DPYD: variants seen among roughly 807,000 people sequenced by gnomAD.
DPYD encodes the protein dihydropyrimidine dehydrogenase [NADP(+)].
In DPYD, 109 loss-of-function variants were observed where a neutral mutation model predicts 116.2. The observed-to-expected ratio is 0.94, with a 90% CI of 0.80 to 1.10. The LOEUF (loss-of-function observed/expected upper bound fraction) is 1.10, where lower values mean the gene tolerates loss of function less well. DPYD is among the 50% of genes least tolerant of loss of function. The pLI is 0.00. For synonymous variants in DPYD, 440 were observed against 432.0 expected (o/e 1.02, Z -0.23); for missense variants, 1,302 against 1,254.5 (o/e 1.04, Z -0.57).
At chr1:97,484,133 C>T (rs985532974) in intron 13 of DPYD, among the ~76,000 whole-genome samples, 3 of 152,112 alleles carry the variant, frequency 2.0e-5, no homozygotes, top group Non-Finnish European at 4.4e-5. Context: ...GGCAAAACCC[C>T]GTCTCTACTA....
intron 2 of DPYD, chr1:97,856,647 C>G (rs1235771319): frequency 6.6e-6 from 1 of 152,246 alleles, no homozygotes; most frequent in African/African-American, 2.4e-5. Context: ...AGGGCACACT[C>G]TGGCTAACCA....
intron 12 of DPYD, among the ~76,000 whole-genome samples, chr1:97,529,562 C>G (rs1361715550): frequency 6.6e-6 from 1 of 152,124 alleles, no homozygotes; most frequent in Non-Finnish European, 1.5e-5. Flanking sequence ...TATGCATACA[C>G]TCATGTTACT....
At chr1:97,323,748 T>C (rs1668555893) in intron 16 of DPYD, among the ~76,000 whole-genome samples, 1 of 148,996 alleles carries the variant, frequency 6.7e-6, no homozygotes, top group African/African-American at 2.5e-5. Context: ...ATATAATATA[T>C]TTAAAAACAA....
chr1:97,659,032 A>G (rs1396874531), intron 8 of DPYD, among the ~76,000 whole-genome samples: 2 of 152,228 alleles, frequency 1.3e-5, no homozygotes, highest in Non-Finnish European at 1.5e-5. Context: ...GAAGTTTTCT[A>G]TGGCTCCCTC....
intron 11 of DPYD, among the ~76,000 whole-genome samples, chr1:97,553,611 T>C (rs1030667205): frequency 1.3e-5 from 2 of 152,130 alleles, no homozygotes; most frequent in Non-Finnish European, 1.5e-5. Flanking sequence ...AAATAACTGC[T>C]TGCCATTTCC....
At chr1:97,233,922 A>G (rs558889443) in intron 19 of DPYD, among the ~76,000 whole-genome samples, 3 of 152,288 alleles carry the variant, frequency 2.0e-5, no homozygotes, top group African/African-American at 7.2e-5. Context: ...TTTCTAATAC[A>G]TATTATTTCC....
chr1:97,324,249 C>T (rs894591072), intron 16 of DPYD, among the ~76,000 whole-genome samples: 3 of 151,992 alleles, frequency 2.0e-5, no homozygotes, highest in African/African-American at 7.2e-5. Context: ...TTCTGACAGC[C>T]AGTCAGTTTC....
chr1:97,201,517 G>C lies in DPYD; in HGVS notation c.2443-8269C>G, dbSNP rs184165025. On this transcript the variant is annotated intron_variant, in intron 19 of 22. Coordinates refer to ENST00000370192, the MANE Select transcript of DPYD (RefSeq NM_000110.4). ...GAGCTTTTGGTACTACATAAACATG[G>C]CATTGCTTACTGGAATTCATGAATA... 1.1e-3 allele frequency among the ~76,000 whole-genome samples: 169 copies of C among 152,158 alleles called. 1 individual carries two copies. The highest frequency in any genetic ancestry group is 3.9e-3 in the African/African-American group (163 of 41,526).
At chr1:97,293,230 T>A (rs1031389678) in intron 18 of DPYD, among the ~76,000 whole-genome samples, 4 of 152,220 alleles carry the variant, frequency 2.6e-5, no homozygotes, top group African/African-American at 9.6e-5. Flanking sequence ...AGTCAATTTT[T>A]TTGTCAAGTA....
intron 20 of DPYD, among the ~76,000 whole-genome samples, chr1:97,122,062 A>G (rs1277741085): frequency 2.0e-5 from 3 of 152,188 alleles, no homozygotes. Flanking sequence ...TTTCAGTACC[A>G]GAGATGAGAT....
chr1:97,226,594 C>T (rs928298575), intron 19 of DPYD, among the ~76,000 whole-genome samples: 4 of 151,716 alleles, frequency 2.6e-5, no homozygotes, highest in South Asian at 2.1e-4. Flanking sequence ...AAAAAATTAT[C>T]CAAAAAAGAA....
chr1:97,533,349 A>C (rs1415173343), intron 12 of DPYD, among the ~76,000 whole-genome samples: 1 of 152,204 alleles, frequency 6.6e-6, no homozygotes, highest in Admixed American at 6.5e-5. Flanking sequence ...TTCAAAGAAT[A>C]AAACAGTAAA....
chr1:97,085,583 G>C (rs1309542450), intron 21 of DPYD, among the ~76,000 whole-genome samples: 1 of 152,044 alleles, frequency 6.6e-6, no homozygotes, highest in East Asian at 1.9e-4. Context: ...GGAAAGAGTA[G>C]CAAAAAAAAT....
chr1:97,566,391 T>C (rs1652522355), intron 11 of DPYD, among the ~76,000 whole-genome samples: 1 of 152,142 alleles, frequency 6.6e-6, no homozygotes. Context: ...CATTCAGAAA[T>C]ATAAATAAGG....
chr1:97,846,870 C>T (rs1026637366), intron 2 of DPYD, among the ~76,000 whole-genome samples: 1 of 152,058 alleles, frequency 6.6e-6, no homozygotes, highest in East Asian at 1.9e-4. Context: ...ACTAATAAAA[C>T]ATTAGTTCAT....
intron 16 of DPYD, among the ~76,000 whole-genome samples, chr1:97,342,591 G>A (rs1010837494): frequency 2.0e-5 from 3 of 152,134 alleles, no homozygotes; most frequent in Non-Finnish European, 4.4e-5. Flanking sequence ...TCAAAGTCAT[G>A]TATGGAAACT....
At position 97,400,311 on chromosome 1, in the gene DPYD, G is replaced by A. The variant is rs373242024; in HGVS notation, c.1906-17850C>T. 8.5e-5 allele frequency among the ~76,000 whole-genome samples: 13 copies of A among 152,246 alleles called. No individual in the cohort carries two copies. In the East Asian group the frequency reaches 1.2e-3, roughly 14 times the overall value. ...CCAGGGATGAAGCTCACTTGATCAT[G>A]GTGGATAAGCTTTTTGATGTGTTGC... is the stretch of plus-strand genomic sequence containing the variant. On this transcript the variant is annotated intron_variant, in intron 14 of 22. Coordinates refer to ENST00000370192, the MANE Select transcript of DPYD (RefSeq NM_000110.4).
intron 13 of DPYD, among the ~76,000 whole-genome samples, chr1:97,508,971 A>G (rs924861813): frequency 2.6e-5 from 4 of 151,888 alleles, no homozygotes; most frequent in Admixed American, 6.6e-5. Flanking sequence ...CTCTTTGAAG[A>G]TAAGACCATA....
intron 13 of DPYD, among the ~76,000 whole-genome samples, chr1:97,451,308 C>T (rs1474886392): frequency 6.6e-5 from 10 of 152,058 alleles, no homozygotes; most frequent in Non-Finnish European, 1.0e-4. Context: ...CATACCCTTG[C>T]CACAAAAGAT....
Sources: allele counts gnomAD v4.1 joint callset (sites outside exome capture counted in the v4.1 genomes callset), GRCh38; gene constraint gnomAD v4.1.1; transcripts MANE v1.5; gene names NCBI Gene and HGNC (gene_info 2026-07-23, HGNC 2026-07-21).